The following FAM169A variants were observed in gnomAD, a reference collection of about 807,000 sequenced individuals.
FAM169A encodes the protein family with sequence similarity 169 member A, also known as soluble lamin-associated protein of 75 kDa.
Under a neutral mutation model 75.7 loss-of-function variants are expected in FAM169A, and 24 were observed. That is an observed-to-expected ratio of 0.32 (90% CI 0.23 to 0.45). FAM169A has a LOEUF of 0.45. Among genes scored for constraint, FAM169A ranks in the 20% least tolerant of loss-of-function variants. The pLI is 1.00. For missense variants in FAM169A, 673 were observed against 784.0 expected (o/e 0.86, Z 1.69); for synonymous variants, 271 against 271.0 (o/e 1.00, Z 0.00).
intron 11 of FAM169A, 50 bp from the exon 12 acceptor site, chr5:74,783,184 C>T: frequency 7.2e-7 from 1 of 1,380,554 alleles, no homozygotes; most frequent in South Asian, 1.2e-5. Context: ...TACAAACTAA[C>T]TTATTTGTCA....
chr5:74,829,153 G>T (rs1338159477), intron 5 of FAM169A, among the ~76,000 whole-genome samples: 1 of 152,060 alleles, frequency 6.6e-6, no homozygotes, highest in Non-Finnish European at 1.5e-5. Context: ...GCTCCCTTCT[G>T]TGTCATAAAA....
chr5:74,823,117 G>A (rs546613872), intron 5 of FAM169A, among the ~76,000 whole-genome samples: 2 of 152,094 alleles, frequency 1.3e-5, no homozygotes, highest in Admixed American at 1.3e-4. Context: ...ATTTAATCAT[G>A]TTACTTCTAC....
At chr5:74,854,382 G>A (rs971470389) in intron 1 of FAM169A, among the ~76,000 whole-genome samples, 14 of 148,192 alleles carry the variant, frequency 9.4e-5, no homozygotes, top group South Asian at 2.1e-4. Flanking sequence ...GTGACACAGC[G>A]AGACTCCATC....
chr5:74,803,563 C>T (rs1746699168), intron 8 of FAM169A, among the ~76,000 whole-genome samples: 1 of 152,042 alleles, frequency 6.6e-6, no homozygotes, highest in African/African-American at 2.4e-5. Context: ...GTGTTTCTAA[C>T]ACTCACCAAA....
chr5:74,798,860 G>A, intron 10 of FAM169A: 1 of 492,632 alleles, frequency 2.0e-6, no homozygotes, highest in Non-Finnish European at 3.7e-6. Context: ...AATCAATAAA[G>A]TAAAATTGAG....
chr5:74,839,073 T>C, intron 3 of FAM169A, 23 bp from the exon 4 acceptor site: 1 of 1,558,298 alleles, frequency 6.4e-7, no homozygotes, highest in Non-Finnish European at 8.9e-7. Context: ...AAATAATCAT[T>C]AACACTTGAG....
chr5:74,801,500 A>T, intron 9 of FAM169A, 90 bp downstream of exon 9: 1 of 1,012,870 alleles, frequency 9.9e-7, no homozygotes, highest in East Asian at 2.4e-5. Context: ...TCAGGGTGAC[A>T]CACCACACAC....
intron 5 of FAM169A, among the ~76,000 whole-genome samples, chr5:74,822,681 A>G (rs1277272280): frequency 1.3e-5 from 2 of 152,234 alleles, no homozygotes; most frequent in East Asian, 1.9e-4. Flanking sequence ...TACTTTAAGT[A>G]TTCTGGGGCC....
chr5:74,798,197 C>T (rs939390854), intron 10 of FAM169A, among the ~76,000 whole-genome samples: 12 of 152,224 alleles, frequency 7.9e-5, no homozygotes, highest in Admixed American at 6.5e-4. Context: ...ATCCGCCTTA[C>T]GGTGCTCTTA....
chr5:74,815,619 A>C (rs1426341830), intron 5 of FAM169A, among the ~76,000 whole-genome samples: 2 of 152,196 alleles, frequency 1.3e-5, no homozygotes, highest in Admixed American at 1.3e-4. Flanking sequence ...AACTGGGTAA[A>C]ATGAGGCTGA....
At chr5:74,807,342 T>C (rs961870147) in intron 6 of FAM169A, among the ~76,000 whole-genome samples, 4 of 152,218 alleles carry the variant, frequency 2.6e-5, no homozygotes, top group Admixed American at 6.5e-5. Context: ...ACATACTTTA[T>C]TGAATACAGT....
chr5:74,853,627 G>A (rs77235685), intron 1 of FAM169A, among the ~76,000 whole-genome samples: 1 of 151,406 alleles, frequency 6.6e-6, no homozygotes, highest in African/African-American at 2.4e-5. Context: ...CTGCTTAGGA[G>A]TTAAGTGTTT....
chr5:74,787,707 C>T lies in FAM169A; in HGVS notation c.1261-4573G>A, dbSNP rs1251176219. Among the ~76,000 whole-genome samples the T allele has an allele frequency of 4.6e-5, 7 of 152,190 alleles. No homozygotes were observed. In the East Asian group the frequency reaches 9.7e-4, roughly 21 times the overall value. On this transcript the variant is annotated intron_variant, in intron 11 of 12. Coordinates refer to ENST00000687041, the MANE Select transcript of FAM169A (RefSeq NM_001376049.1). The stretch of plus-strand genomic sequence containing the variant: ...AGGTGGGCGAGCTACCATAATGGAC[C>T]GCAGCAGAGGCAAAGCAGCAATCAG...
rs1750055053 is a variant in FAM169A, at chr5:74,861,874, AGT to A, written c.-4+4289_-4+4290del. Reference sequence around the variant, plus strand: ...CCAATGAGCTTTATATACTACTTCTAGTCATTTCAATAAGCTTGCAAGGCATG... The same window carrying A: ...CCAATGAGCTTTATATACTACTTCTACATTTCAATAAGCTTGCAAGGCATG... On this transcript the variant is annotated intron_variant, in intron 1 of 12. Coordinates refer to ENST00000687041, the MANE Select transcript of FAM169A (RefSeq NM_001376049.1). Among the ~76,000 whole-genome samples the A allele has an allele frequency of 3.9e-5, 6 of 152,330 alleles. 1 individual carries two copies. In the South Asian group the frequency reaches 1.2e-3, roughly 32 times the overall value.
At chr5:74,833,621 T>A (rs1580141263) in intron 5 of FAM169A, among the ~76,000 whole-genome samples, 2 of 152,322 alleles carry the variant, frequency 1.3e-5, no homozygotes, top group Admixed American at 1.3e-4. Context: ...ATCTTTAGAC[T>A]GGATGTGACC....
chr5:74,845,378 C>T (rs1371830309), intron 1 of FAM169A, among the ~76,000 whole-genome samples: 1 of 151,838 alleles, frequency 6.6e-6, no homozygotes, highest in Non-Finnish European at 1.5e-5. Context: ...ATTAGCCGGG[C>T]GTGGTAGTGC....
At chr5:74,799,808 G>T in intron 10 of FAM169A, 1 of 1,083,934 alleles carries the variant, frequency 9.2e-7, no homozygotes, top group South Asian at 1.2e-5. Context: ...CAATGCTCTT[G>T]AACTACGATG....
At chr5:74,848,289 A>G (rs1235323952) in intron 1 of FAM169A, among the ~76,000 whole-genome samples, 3 of 152,154 alleles carry the variant, frequency 2.0e-5, no homozygotes, top group African/African-American at 7.2e-5. Context: ...CACATTTACT[A>G]TATAACAAGG....
At chr5:74,854,937 T>C (rs1749632737) in intron 1 of FAM169A, among the ~76,000 whole-genome samples, 1 of 152,236 alleles carries the variant, frequency 6.6e-6, no homozygotes, top group Non-Finnish European at 1.5e-5. Context: ...GAAATCTCTT[T>C]GATATACTGA....
Sources: gnomAD v4.1 joint callset for allele counts (sites outside exome capture counted in the v4.1 genomes callset) on GRCh38, gnomAD v4.1.1 for gene constraint, MANE v1.5 for transcripts, NCBI Gene and HGNC (gene_info 2026-07-23, HGNC 2026-07-21) for gene names.